ZNF804A: variants seen among roughly 807,000 people sequenced by gnomAD.
ZNF804A encodes zinc finger protein 804A.
In ZNF804A, 2 loss-of-function variants were observed where a neutral mutation model predicts 16.5. The observed-to-expected ratio is 0.12, with a 90% CI of 0.05 to 0.38. ZNF804A has a LOEUF of 0.38. Ranked by LOEUF, ZNF804A falls within the 10% of genes least tolerant of loss-of-function variation. The pLI is 0.99. For synonymous variants in ZNF804A, 534 were observed against 489.6 expected, an observed-to-expected ratio of 1.09 and a Z score of -1.20; for missense variants, 1,473 against 1,390.7, an observed-to-expected ratio of 1.06 and a Z score of -0.94.
At chr2:184,747,767 A>C (rs1044367194) in intron 1 of ZNF804A, among the ~76,000 whole-genome samples, 1 of 151,138 alleles carries the variant, frequency 6.6e-6, no homozygotes, top group African/African-American at 2.4e-5. Context: ...GATAGTGAGC[A>C]TAGTACCCAA....
chr2:184,620,829 C>T (rs923416856), intron 1 of ZNF804A, among the ~76,000 whole-genome samples: 3 of 151,546 alleles, frequency 2.0e-5, no homozygotes, highest in Non-Finnish European at 4.4e-5. Flanking sequence ...TAGTTGTAAA[C>T]TTAAACATCC....
intron 1 of ZNF804A, among the ~76,000 whole-genome samples, chr2:184,669,597 T>G (rs1692310082): frequency 6.6e-6 from 1 of 152,090 alleles, no homozygotes; most frequent in Admixed American, 6.6e-5. Flanking sequence ...AAATGGCTGA[T>G]GAGTAGTTGT....
intron 2 of ZNF804A, among the ~76,000 whole-genome samples, chr2:184,882,501 T>C (rs963248379): frequency 6.6e-6 from 1 of 152,184 alleles, no homozygotes; most frequent in South Asian, 2.1e-4. Context: ...CAACATTATA[T>C]ACATTCTTCT....
rs1276415100 is a variant in ZNF804A at position 184,717,459 on chromosome 2, C to A, written c.111+118389C>A. ...CTTCCCTTTACCCAGTTTTCAAATT[C>A]TTCACAGTAAATGTCCAGGTTTCAA... On this transcript the variant is annotated intron_variant, in intron 1 of 3. Coordinates refer to ENST00000302277, the MANE Select transcript of ZNF804A (RefSeq NM_194250.2). Among the ~76,000 whole-genome samples, 5 of 152,186 alleles carry A rather than the reference C, an allele frequency of 3.3e-5. No homozygotes were observed. The East Asian group carries it at 9.7e-4, about 29-fold the overall frequency.
intron 1 of ZNF804A, among the ~76,000 whole-genome samples, chr2:184,751,755 A>G (rs1312537387): frequency 6.6e-6 from 1 of 151,742 alleles, no homozygotes; most frequent in Non-Finnish European, 1.5e-5. Context: ...AATATCCAGA[A>G]CCAACAAGTA....
chr2:184,906,509 C>T (rs1685277185), intron 2 of ZNF804A, among the ~76,000 whole-genome samples: 1 of 151,984 alleles, frequency 6.6e-6, no homozygotes, highest in Non-Finnish European at 1.5e-5. Flanking sequence ...CCATATTGCC[C>T]ACACTGGTCT....
intron 1 of ZNF804A, among the ~76,000 whole-genome samples, chr2:184,742,629 C>A (rs374042843): frequency 6.6e-6 from 1 of 151,156 alleles, no homozygotes; most frequent in Admixed American, 6.6e-5. Context: ...TGCCTCAGAA[C>A]GTGCTTTGTA....
intron 1 of ZNF804A, among the ~76,000 whole-genome samples, chr2:184,808,664 A>T (rs1329168187): frequency 6.6e-6 from 1 of 151,614 alleles, no homozygotes; most frequent in East Asian, 1.9e-4. Context: ...AGACACACAA[A>T]AAAAAACTTA....
At chr2:184,853,711 T>A (rs1250182926) in intron 1 of ZNF804A, among the ~76,000 whole-genome samples, 1 of 151,906 alleles carries the variant, frequency 6.6e-6, no homozygotes, top group Non-Finnish European at 1.5e-5. Flanking sequence ...GATTTTTGTA[T>A]GCTGAACCAT....
At chr2:184,762,706 C>T (rs1445409749) in intron 1 of ZNF804A, among the ~76,000 whole-genome samples, 2 of 151,898 alleles carry the variant, frequency 1.3e-5, no homozygotes, top group South Asian at 2.1e-4. Flanking sequence ...ATATCAAATG[C>T]TCAAAGGAGA....
rs761347658 is a variant in ZNF804A, at chr2:184,937,106, G to C, written c.1710G>C (p.Gln570His). 6 of 1,605,396 alleles carry C rather than the reference G, an allele frequency of 3.7e-6. No individual in the cohort carries two copies. Among genetic ancestry groups the C allele is most frequent in the Admixed American group, 1.7e-5 (1 of 57,540 alleles). Reference sequence around the variant, plus strand: ...ATTTTACTAAAAGTCAAATAAAACAGGACACTCTAGATGAAAAATACAACA... The same window carrying C: ...ATTTTACTAAAAGTCAAATAAAACACGACACTCTAGATGAAAAATACAACA... ...KYNFTKSQIK[Q>H]DTLDEKYNKI... Residue 570 changes from glutamine to histidine, a missense_variant, in exon 4 of 4, where the codon CAG (glutamine) becomes CAC (histidine). By Grantham distance (24) the Gln-to-His change is conservative (BLOSUM62 0). Transcript: ENST00000302277.
intron 1 of ZNF804A, among the ~76,000 whole-genome samples, chr2:184,723,357 T>C (rs895105406): frequency 6.6e-6 from 1 of 151,842 alleles, no homozygotes; most frequent in African/African-American, 2.4e-5. Context: ...GAAGAAATGG[T>C]CATTTTATGG....
intron 1 of ZNF804A, among the ~76,000 whole-genome samples, chr2:184,619,630 A>G (rs1317097341): frequency 1.3e-5 from 2 of 152,012 alleles, no homozygotes; most frequent in Admixed American, 6.6e-5. Context: ...ATGATTTTAA[A>G]GCAGGTGGGT....
chr2:184,780,431 A>G (rs1277842533), intron 1 of ZNF804A, among the ~76,000 whole-genome samples: 1 of 151,864 alleles, frequency 6.6e-6, no homozygotes, highest in Non-Finnish European at 1.5e-5. Flanking sequence ...TTTACAGGTA[A>G]GAAATCTGAG....
chr2:184,604,901 G>A (rs1048311187), intron 1 of ZNF804A, among the ~76,000 whole-genome samples: 2 of 152,048 alleles, frequency 1.3e-5, no homozygotes, highest in African/African-American at 2.4e-5. Flanking sequence ...AATATACAGG[G>A]ATTTCAGAGT....
chr2:184,825,662 A>G (rs1329208318), intron 1 of ZNF804A, among the ~76,000 whole-genome samples: 1 of 152,140 alleles, frequency 6.6e-6, no homozygotes, highest in African/African-American at 2.4e-5. Context: ...CAGGAAGCTC[A>G]GTGGTATTTC....
intron 1 of ZNF804A, among the ~76,000 whole-genome samples, chr2:184,764,379 T>C (rs1340519015): frequency 6.6e-6 from 1 of 152,164 alleles, no homozygotes; most frequent in Non-Finnish European, 1.5e-5. Flanking sequence ...ACCAAACACG[T>C]TTCAGTATTT....
At chr2:184,622,211 A>C (rs1052715460) in intron 1 of ZNF804A, among the ~76,000 whole-genome samples, 2 of 151,836 alleles carry the variant, frequency 1.3e-5, no homozygotes, top group Non-Finnish European at 3.0e-5. Context: ...TCAGGAAATA[A>C]GTATGATATT....
At chr2:184,602,430 G>A (rs1193835487) in intron 1 of ZNF804A, among the ~76,000 whole-genome samples, 1 of 151,882 alleles carries the variant, frequency 6.6e-6, no homozygotes, top group Admixed American at 6.6e-5. Flanking sequence ...AAAGAATAAA[G>A]TTTATCTTCC....
Sources: allele counts gnomAD v4.1 joint callset (sites outside exome capture counted in the v4.1 genomes callset), GRCh38; gene constraint gnomAD v4.1.1; transcripts MANE v1.5; gene names NCBI Gene and HGNC (gene_info 2026-07-23, HGNC 2026-07-21).